The following SNTG1 variants were observed in gnomAD, a reference collection of about 807,000 sequenced individuals.
SNTG1 encodes gamma-1-syntrophin.
In SNTG1, 39 loss-of-function variants were observed where a neutral mutation model predicts 74.7. The observed-to-expected ratio is 0.52, with a 90% CI of 0.40 to 0.68. The LOEUF is 0.68. Among genes scored for constraint, SNTG1 ranks in the 30% least tolerant of loss-of-function variants. SNTG1 has a pLI of 0.00. For synonymous variants in SNTG1, 254 were observed against 217.1 expected (o/e 1.17, Z -1.49); for missense variants, 685 against 609.5 (o/e 1.12, Z -1.30).
chr8:50,612,028 G>C (rs978230555), intron 13 of SNTG1, among the ~76,000 whole-genome samples: 1 of 152,142 alleles, frequency 6.6e-6, no homozygotes, highest in Non-Finnish European at 1.5e-5. Flanking sequence ...AAAGTGCTGG[G>C]ATTGCAGGTG....
intron 1 of SNTG1, among the ~76,000 whole-genome samples, chr8:49,960,509 G>T (rs1015164987): frequency 1.3e-5 from 2 of 151,894 alleles, no homozygotes; most frequent in Admixed American, 6.6e-5. Context: ...TTTGAAAAAA[G>T]AAATCTATTT....
At position 50,653,373 on chromosome 8, in the gene SNTG1, G is replaced by A. The variant is rs1430219748; in HGVS notation, c.850-3536G>A. On this transcript the variant is annotated intron_variant, in intron 13 of 18. Transcript: ENST00000642720. ...CTTGAGCTGGGGAGGTCACGTTAGAGCTGCAGTGAACTGTGACCCCCACAC... is the reference window on the plus strand; with the variant it reads ...CTTGAGCTGGGGAGGTCACGTTAGAACTGCAGTGAACTGTGACCCCCACAC... Among the ~76,000 whole-genome samples, 3 of 152,080 alleles carry A rather than the reference G, an allele frequency of 2.0e-5. No individual in the cohort carries two copies. In the East Asian group the frequency reaches 5.8e-4, roughly 29 times the overall value.
chr8:50,099,214 A>G (rs2080037114), intron 1 of SNTG1, among the ~76,000 whole-genome samples: 1 of 152,130 alleles, frequency 6.6e-6, no homozygotes, highest in East Asian at 1.9e-4. Flanking sequence ...CATAACAAGT[A>G]GATTTTCTGC....
At chr8:50,358,356 G>C (rs1235767681) in intron 2 of SNTG1, among the ~76,000 whole-genome samples, 1 of 152,152 alleles carries the variant, frequency 6.6e-6, no homozygotes, top group Non-Finnish European at 1.5e-5. Context: ...ACTAATGGAG[G>C]ATACAAGCAA....
At chr8:50,113,849 T>C (rs2080704889) in intron 1 of SNTG1, among the ~76,000 whole-genome samples, 2 of 152,130 alleles carry the variant, frequency 1.3e-5, no homozygotes, top group South Asian at 4.1e-4. Flanking sequence ...ACATGGCACA[T>C]GTATATACAT....
intron 2 of SNTG1, among the ~76,000 whole-genome samples, chr8:50,359,371 A>G (rs1201149991): frequency 1.3e-5 from 2 of 152,300 alleles, no homozygotes; most frequent in Non-Finnish European, 2.9e-5. Flanking sequence ...GCTGGAATTT[A>G]TCTTGCTCTA....
chr8:50,734,723 ATATATCTATATATATGGACATG>A, intron 17 of SNTG1, among the ~76,000 whole-genome samples: 1 of 143,134 alleles, frequency 7.0e-6, no homozygotes, highest in South Asian at 2.2e-4. Flanking sequence ...TATGGACATT[ATATATCTATATATATGGACATG>A]TATATAGATA....
At chr8:50,616,790 G>A (rs2094888030) in intron 13 of SNTG1, among the ~76,000 whole-genome samples, 1 of 152,160 alleles carries the variant, frequency 6.6e-6, no homozygotes, top group African/African-American at 2.4e-5. Context: ...ACCAGAGGCA[G>A]GATTGTGGCA....
chr8:50,436,847 T>C (rs2093308908), intron 4 of SNTG1, among the ~76,000 whole-genome samples: 1 of 152,166 alleles, frequency 6.6e-6, no homozygotes, highest in African/African-American at 2.4e-5. Flanking sequence ...ATGTTTAACC[T>C]TCCTTTTTGC....
intron 2 of SNTG1, among the ~76,000 whole-genome samples, chr8:50,266,080 A>C (rs1456201109): frequency 6.6e-6 from 1 of 151,626 alleles, no homozygotes; most frequent in African/African-American, 2.4e-5. Context: ...GGAATTGATG[A>C]GCTAATGCTA....
At position 50,449,033 on chromosome 8, in the gene SNTG1, A is replaced by AT. The variant is rs1379319454; in HGVS notation, c.220-635_220-634insT. ...ACAGAGCGAGTCTCCTCCGTCTCAA[A>AT]AAATAAAATAAATAAATACATAAAT... is the stretch of plus-strand genomic sequence containing the variant. On this transcript the variant is annotated intron_variant, in intron 5 of 18. Coordinates refer to ENST00000642720, the MANE Select transcript of SNTG1 (RefSeq NM_018967.5). 1.3e-3 allele frequency among the ~76,000 whole-genome samples: 202 copies of AT among 152,286 alleles called. 1 individual carries two copies. The highest frequency in any genetic ancestry group is 4.7e-3 in the African/African-American group (194 of 41,556).
At chr8:50,080,188 T>C (rs1256708819) in intron 1 of SNTG1, among the ~76,000 whole-genome samples, 1 of 152,222 alleles carries the variant, frequency 6.6e-6, no homozygotes, top group Admixed American at 6.5e-5. Flanking sequence ...TTTTATGATA[T>C]ACAGACACAT....
intron 1 of SNTG1, among the ~76,000 whole-genome samples, chr8:50,005,483 T>C (rs369008474): frequency 4.2e-5 from 6 of 143,542 alleles, no homozygotes; most frequent in African/African-American, 1.5e-4. Context: ...AAAAAAAAAA[T>C]AATTGATCAT....
rs369656490 is a variant in SNTG1 at position 50,566,709 on chromosome 8, C to CTGTTT, written c.810+13547_810+13551dup. On this transcript the variant is annotated intron_variant, in intron 12 of 18. Transcript: ENST00000642720. ...TAATCAATCAAGGGAGCAAAGTCTA[C>CTGTTT]TGTTTTGTTTTGTTTTGTTTTTCAG... Among the ~76,000 whole-genome samples, 614 of 151,918 alleles carry CTGTTT rather than the reference C, an allele frequency of 4.0e-3. 5 individuals carry two copies. The highest frequency in any genetic ancestry group is 0.014 in the African/African-American group (565 of 41,444).
intron 2 of SNTG1, among the ~76,000 whole-genome samples, chr8:50,357,609 C>G (rs2091854861): frequency 6.6e-6 from 1 of 151,936 alleles, no homozygotes; most frequent in Non-Finnish European, 1.5e-5. Flanking sequence ...AGGAAATGGA[C>G]CAGCCTTGAT....
intron 18 of SNTG1, chr8:50,762,875 C>T (rs1482108430): frequency 1.3e-5 from 4 of 302,660 alleles, no homozygotes; most frequent in Admixed American, 3.9e-5. Flanking sequence ...ATTGCCTTAG[C>T]TATTTTTAAA....
chr8:50,101,740 A>C (rs958305789), intron 1 of SNTG1, among the ~76,000 whole-genome samples: 1 of 150,876 alleles, frequency 6.6e-6, no homozygotes, highest in Non-Finnish European at 1.5e-5. Context: ...CCCAGAGTGT[A>C]ATGTTCCCCT....
intron 2 of SNTG1, among the ~76,000 whole-genome samples, chr8:50,313,243 T>C (rs2090183195): frequency 6.7e-6 from 1 of 149,916 alleles, no homozygotes; most frequent in Non-Finnish European, 1.5e-5. Context: ...AGCTGCATGA[T>C]ATTGGCTGAA....
rs1563420714 is a variant in SNTG1, at chr8:50,462,794, CTCT to C, written c.363+12067_363+12069del. Among the ~76,000 whole-genome samples the C allele has an allele frequency of 3.0e-4, 13 of 43,626 alleles. 2 individuals carry two copies. Among genetic ancestry groups the C allele is most frequent in the African/African-American group, 9.7e-4 (13 of 13,410 alleles). 28.6% of individuals were successfully genotyped at this position (43,626 alleles called of 152,430 possible). On this transcript the variant is annotated intron_variant, in intron 8 of 18. Transcript: ENST00000642720. The stretch of plus-strand genomic sequence containing the variant: ...AACTCAGTCGCATCTTCAGGTTCTA[CTCT>C]TTTTTTTTTTTTTTTTTTTTTTTTT...
Sources: allele counts gnomAD v4.1 joint callset (sites outside exome capture counted in the v4.1 genomes callset), GRCh38; gene constraint gnomAD v4.1.1; transcripts MANE v1.5; gene names NCBI Gene and HGNC (gene_info 2026-07-23, HGNC 2026-07-21).